SCYGR1: variants seen among roughly 807,000 people sequenced by gnomAD.
The protein encoded by SCYGR1 is small cysteine and glycine repeat-containing protein 1.
exon 1 of SCYGR1, chr2:227,387,892 C>CACAGCCACCACT (rs1325146503): frequency 2.5e-6 from 1 of 401,894 alleles, no homozygotes; most frequent in Non-Finnish European, 4.4e-6. Context: ...CAGCCACCAC[C>CACAGCCACCACT]ACAGCCACCA....
At chr2:227,387,764 G>A (rs1190103029) in exon 1 of SCYGR1, 4 of 398,878 alleles carry the variant, frequency 1.0e-5, no homozygotes, top group East Asian at 7.1e-5. Context: ...AGCTGCAGGT[G>A]CGGCGGCAGC....
exon 1 of SCYGR1, chr2:227,387,697 G>T: frequency 2.5e-6 from 1 of 398,964 alleles, no homozygotes; most frequent in South Asian, 1.3e-4. Flanking sequence ...CAACAGCATT[G>T]CTTCTGGCAG....
exon 1 of SCYGR1, chr2:227,387,772 A>G (rs1260307279): frequency 2.5e-6 from 1 of 398,870 alleles, no homozygotes; most frequent in Non-Finnish European, 4.4e-6. Flanking sequence ...GTGCGGCGGC[A>G]GCAGCAGATC....
exon 1 of SCYGR1, chr2:227,387,917 G>GCCACCACCGCAGCCACCACAA (rs1559142810): frequency 6.3e-5 from 25 of 397,876 alleles, no homozygotes; most frequent in Non-Finnish European, 9.2e-5. Flanking sequence ...AGCCACCACA[G>GCCACCACCGCAGCCACCACAA]CCACCACAAC....
exon 1 of SCYGR1, chr2:227,387,712 A>C (rs529663991): frequency 8.0e-5 from 32 of 398,936 alleles, no homozygotes; most frequent in African/African-American, 3.7e-4. Context: ...TGGCAGCAGC[A>C]CTTCTGCTGG....
exon 1 of SCYGR1, chr2:227,387,752 C>A (rs1256832391): frequency 2.5e-6 from 1 of 399,110 alleles, no homozygotes; most frequent in Non-Finnish European, 4.4e-6. Flanking sequence ...TGTAGCCACA[C>A]GAGCTGCAGG....
exon 1 of SCYGR1, chr2:227,387,811 A>T (rs2076508708): frequency 2.5e-6 from 1 of 399,458 alleles, no homozygotes; most frequent in Non-Finnish European, 4.4e-6. Flanking sequence ...CCTCCACAGC[A>T]GCCACGGCAG....
chr2:227,387,790 T>A, exon 1 of SCYGR1: 1 of 398,766 alleles, frequency 2.5e-6, no homozygotes, highest in Non-Finnish European at 4.4e-6. Flanking sequence ...ATCACGGGAG[T>A]GCTGCAGCAG....
At chr2:227,387,805 C>G (rs2076508646) in exon 1 of SCYGR1, 2 of 399,368 alleles carry the variant, frequency 5.0e-6, no homozygotes, top group African/African-American at 4.1e-5. Flanking sequence ...CAGCAGCCTC[C>G]ACAGCAGCCA....
At chr2:227,387,765 C>T (rs973466087) in exon 1 of SCYGR1, 7 of 398,860 alleles carry the variant, frequency 1.8e-5, no homozygotes, top group East Asian at 1.1e-4. Flanking sequence ...GCTGCAGGTG[C>T]GGCGGCAGCA....
chr2:227,387,914 A>ACCT, the SCYGR1 span: 2 of 323,504 alleles, frequency 6.2e-6, no homozygotes, highest in Non-Finnish European at 1.0e-5. Flanking sequence ...CGCAGCCACC[A>ACCT]CAGCCACCAC....
At chr2:227,387,878 G>GCCACAGCCACCACCACAGCCACCA in exon 1 of SCYGR1, 1 of 350,374 alleles carries the variant, frequency 2.9e-6, no homozygotes, top group East Asian at 3.8e-5. Flanking sequence ...TGGTGCATCT[G>GCCACAGCCACCACCACAGCCACCA]CCACAGCCAC....
exon 1 of SCYGR1, chr2:227,387,783 A>T (rs1403486756): frequency 2.5e-6 from 1 of 398,946 alleles, no homozygotes; most frequent in African/African-American, 2.1e-5. Flanking sequence ...GCAGCAGATC[A>T]CGGGAGTGCT....
exon 1 of SCYGR1, chr2:227,387,808 A>C: frequency 2.5e-6 from 1 of 399,570 alleles, no homozygotes; most frequent in Non-Finnish European, 4.4e-6. Flanking sequence ...CAGCCTCCAC[A>C]GCAGCCACGG....
Sources: gnomAD v4.1 joint callset for allele counts on GRCh38, gnomAD v4.1.1 for gene constraint, MANE v1.5 for transcripts, NCBI Gene and HGNC (gene_info 2026-07-23, HGNC 2026-07-21) for gene names.